Variants in IQGAP1 observed in about 807,000 individuals in gnomAD.
The protein encoded by IQGAP1 is IQ motif containing GTPase activating protein 1, also known as ras GTPase-activating-like protein IQGAP1.
In IQGAP1, 66 loss-of-function variants were observed where a neutral mutation model predicts 215.6. The ratio of observed to expected loss-of-function variants is 0.31; its 90% confidence interval spans 0.25 to 0.38. The LOEUF (loss-of-function observed/expected upper bound fraction) is 0.38, where lower values mean the gene tolerates loss of function less well. IQGAP1 is among the 10% of genes least tolerant of loss of function. The pLI, the probability that IQGAP1 is intolerant of heterozygous loss-of-function variation, is 1.00. For missense variants in IQGAP1, 1,712 were observed against 1,997.1 expected (o/e 0.86, Z 2.72); for synonymous variants, 772 against 728.7 (o/e 1.06, Z -0.96).
intron 15 of IQGAP1, among the ~76,000 whole-genome samples, chr15:90,464,550 T>C (rs1965804191): frequency 6.6e-6 from 1 of 152,066 alleles, no homozygotes; most frequent in Non-Finnish European, 1.5e-5. Context: ...AGCCACATTC[T>C]TGAAAATTGG....
chr15:90,448,795 C>T, intron 10 of IQGAP1, 59 bp downstream of exon 10: 1 of 1,316,778 alleles, frequency 7.6e-7, no homozygotes, highest in Non-Finnish European at 9.9e-7. Flanking sequence ...GAATCCCATG[C>T]TGTCATTTAA....
intron 9 of IQGAP1, among the ~76,000 whole-genome samples, chr15:90,444,243 CTGTGTGTGTGTGTG>C (rs34494521): frequency 0.011 from 1,423 of 126,942 alleles, 25 homozygotes; most frequent in African/African-American, 0.042. Context: ...TCCTTCAAAA[CTGTGTGTGTGTGTG>C]TGTGTGTGTG....
chr15:90,395,553 C>T (rs923691162), intron 2 of IQGAP1, among the ~76,000 whole-genome samples: 21 of 152,196 alleles, frequency 1.4e-4, no homozygotes, highest in Non-Finnish European at 2.4e-4. Flanking sequence ...ATCTCCTGAC[C>T]TCGTGATCCG....
At chr15:90,453,049 T>TA (rs1406692689) in intron 12 of IQGAP1, 83 bp from the exon 13 acceptor site, 16 of 1,553,150 alleles carry the variant, frequency 1.0e-5, no homozygotes, top group Middle Eastern at 1.7e-4. Context: ...TTGGTTTTCT[T>TA]ACAGTTTTAT....
chr15:90,431,626 A>G (rs1965304895), intron 4 of IQGAP1, among the ~76,000 whole-genome samples: 1 of 152,232 alleles, frequency 6.6e-6, no homozygotes, highest in South Asian at 2.1e-4. Flanking sequence ...CACAGAATGT[A>G]TTAAAGGCTT....
intron 1 of IQGAP1, among the ~76,000 whole-genome samples, chr15:90,388,629 G>T (rs1401573913): frequency 6.6e-6 from 1 of 152,098 alleles, no homozygotes; most frequent in East Asian, 1.9e-4. Flanking sequence ...CTTAGCTGGG[G>T]CCGCGGTAGG....
intron 2 of IQGAP1, among the ~76,000 whole-genome samples, chr15:90,397,248 G>A (rs564693578): frequency 6.6e-6 from 1 of 152,256 alleles, no homozygotes; most frequent in South Asian, 2.1e-4. Context: ...CTCATAGTAC[G>A]AATAATTAAG....
intron 2 of IQGAP1, among the ~76,000 whole-genome samples, chr15:90,409,864 CATT>C (rs1180352387): frequency 6.6e-6 from 1 of 152,172 alleles, no homozygotes; most frequent in Non-Finnish European, 1.5e-5. Flanking sequence ...GATGGCATCT[CATT>C]GTGGTTTTGA....
At position 90,416,437 on chromosome 15, in the gene IQGAP1, G is replaced by T. The variant is rs569023792; in HGVS notation, c.156-9673G>T. Among the ~76,000 whole-genome samples, 151 of 152,280 alleles carry T rather than the reference G, an allele frequency of 9.9e-4. 1 individual carries two copies. The highest frequency in any genetic ancestry group is 3.5e-3 in the African/African-American group (144 of 41,560). Reference sequence around the variant, plus strand: ...ACATACCCAGTAATGGGATGGCTGGGTCAAATGGTATTTCTAGTTCTAGAT... The same window carrying T: ...ACATACCCAGTAATGGGATGGCTGGTTCAAATGGTATTTCTAGTTCTAGAT... On this transcript the variant is annotated intron_variant, in intron 2 of 37. Coordinates refer to ENST00000268182, the MANE Select transcript of IQGAP1 (RefSeq NM_003870.4).
intron 2 of IQGAP1, among the ~76,000 whole-genome samples, chr15:90,398,800 C>G (rs1001588890): frequency 6.6e-6 from 1 of 151,888 alleles, no homozygotes; most frequent in African/African-American, 2.4e-5. Context: ...GCCAGGAGTT[C>G]GAGACTAGCC....
At chr15:90,482,755 T>G (rs1966077232) in intron 28 of IQGAP1, 1 of 987,920 alleles carries the variant, frequency 1.0e-6, no homozygotes, top group African/African-American at 1.8e-5. Flanking sequence ...TTCAGGTGAA[T>G]TAATTTTATT....
chr15:90,476,596 C>G, intron 23 of IQGAP1, 67 bp from the exon 24 acceptor site: 3 of 1,289,402 alleles, frequency 2.3e-6, no homozygotes, highest in Non-Finnish European at 3.2e-6. Context: ...GCTGCAAAAC[C>G]TTTCCTCAAT....
In IQGAP1 at chr15:90,453,212, A is replaced by G. The variant is rs753381072; in HGVS notation, c.1407A>G (p.Ser469=). 2 of 1,613,958 alleles carry G rather than the reference A, an allele frequency of 1.2e-6. No homozygotes were observed. The highest frequency in any genetic ancestry group is 1.7e-6 in the Non-Finnish European group (2 of 1,179,846). ...SVALINRALE[S]GDVNTVWKQL... The stretch of plus-strand genomic sequence containing the variant: ...CCCTGATCAACAGGGCATTGGAATC[A>G]GGAGATGTGAATACAGTGTGGAAGC... Residue 469 remains serine (S), a synonymous_variant, in exon 13 of 38, where the codon TCA becomes TCG. Transcript: ENST00000268182.
chr15:90,442,479 C>T (rs1018675631), intron 8 of IQGAP1, among the ~76,000 whole-genome samples: 3 of 152,084 alleles, frequency 2.0e-5, no homozygotes, highest in African/African-American at 7.2e-5. Context: ...CAAATTTATC[C>T]ACCCCTTGTT....
At chr15:90,388,731 G>T (rs1367359303) in intron 1 of IQGAP1, among the ~76,000 whole-genome samples, 5 of 152,200 alleles carry the variant, frequency 3.3e-5, no homozygotes, top group Admixed American at 1.3e-4. Flanking sequence ...CGCGCAGGGC[G>T]TGTCCCGGGG....
chr15:90,428,062 TGTTGGTTG>T (rs551674250), intron 3 of IQGAP1, among the ~76,000 whole-genome samples: 10 of 152,060 alleles, frequency 6.6e-5, no homozygotes, highest in African/African-American at 2.4e-5. Flanking sequence ...TTTTTTTTGT[TGTTGGTTG>T]GTTGGTTGGT....
In IQGAP1 at chr15:90,406,788, A is replaced by C. The variant is rs1263682369; in HGVS notation, c.155+15915A>C. Among the ~76,000 whole-genome samples the C allele has an allele frequency of 3.3e-5, 5 of 152,346 alleles. No homozygotes were observed. In the East Asian group the frequency reaches 7.7e-4, roughly 23 times the overall value. ...TACCGTGAATCTAATAATGAAATTC[A>C]ATAGTAATAAGTGTGATGTCCTACA... On this transcript the variant is annotated intron_variant, in intron 2 of 37. Coordinates refer to ENST00000268182, the MANE Select transcript of IQGAP1 (RefSeq NM_003870.4).
chr15:90,498,297 T>G lies in IQGAP1; in HGVS notation c.4860+957T>G, dbSNP rs529231406. Among the ~76,000 whole-genome samples, 22 of 152,116 alleles carry G rather than the reference T, an allele frequency of 1.4e-4. No individual in the cohort carries two copies. The South Asian group carries it at 4.4e-3, about 30-fold the overall frequency. ...ATGACCAGTAGACCATTAAAACATG[T>G]TAGCTAAACAAATGTGAAATGATTT... On this transcript the variant is annotated intron_variant, in intron 37 of 37. Transcript: ENST00000268182.
intron 2 of IQGAP1, among the ~76,000 whole-genome samples, chr15:90,421,955 C>T (rs373866135): frequency 3.3e-4 from 50 of 152,292 alleles, no homozygotes; most frequent in South Asian, 1.2e-3. Context: ...ACCACTGCAC[C>T]GGTTCTAAAT....
Sources: allele counts gnomAD v4.1 joint callset (sites outside exome capture counted in the v4.1 genomes callset), GRCh38; gene constraint gnomAD v4.1.1; transcripts MANE v1.5; gene names NCBI Gene and HGNC (gene_info 2026-07-23, HGNC 2026-07-21).